The following DOCK1 variants were observed in gnomAD, a reference collection of about 807,000 sequenced individuals.
DOCK1 encodes the protein dedicator of cytokinesis protein 1.
A neutral mutation model predicts 262.7 loss-of-function variants in DOCK1; 138 were observed. That is an observed-to-expected ratio of 0.53 (90% CI 0.46 to 0.61). The LOEUF is 0.61. DOCK1 is among the 20% of genes least tolerant of loss of function. DOCK1 has a pLI of 0.00. For synonymous variants in DOCK1, 866 were observed against 867.4 expected (o/e 1.00, Z 0.03); for missense variants, 1,908 against 2,370.7 (o/e 0.80, Z 4.05).
chr10:127,033,776 T>C lies in DOCK1; in HGVS notation c.1912+1456T>C, dbSNP rs544434034. 2.0e-5 allele frequency among the ~76,000 whole-genome samples: 3 copies of C among 152,242 alleles called. No individual in the cohort carries two copies. In the South Asian group the frequency reaches 6.2e-4, roughly 32 times the overall value. ...ACATTGTAGTGGAGCGTGCACTGAGTGTGCTGCATGTTTGGGCATGCGAGC... is the reference window on the plus strand; with the variant it reads ...ACATTGTAGTGGAGCGTGCACTGAGCGTGCTGCATGTTTGGGCATGCGAGC... On this transcript the variant is annotated intron_variant, in intron 18 of 51. Transcript: ENST00000623213.
rs138981209 is a variant in DOCK1 at position 127,198,163 on chromosome 10, C to A, written c.2848-49845C>A. On this transcript the variant is annotated intron_variant, in intron 27 of 51. Transcript: ENST00000623213. Reference sequence around the variant, plus strand: ...AGCAGTATGGAAACTGCAGTCCCCTCTTCTGCCTGGAAGGGGCCTGGGAAG... The same window carrying A: ...AGCAGTATGGAAACTGCAGTCCCCTATTCTGCCTGGAAGGGGCCTGGGAAG... 5.4e-3 allele frequency among the ~76,000 whole-genome samples: 816 copies of A among 152,308 alleles called. 8 individuals carry two copies. The highest frequency in any genetic ancestry group is 4.8e-3 in the Non-Finnish European group (324 of 68,032).
intron 13 of DOCK1, among the ~76,000 whole-genome samples, chr10:127,021,124 G>C (rs1228952997): frequency 6.6e-6 from 1 of 152,176 alleles, no homozygotes; most frequent in Non-Finnish European, 1.5e-5. Flanking sequence ...TACTGTAAAT[G>C]AGGTCTTACT....
At chr10:127,202,982 T>G (rs2134247747) in intron 27 of DOCK1, among the ~76,000 whole-genome samples, 1 of 152,330 alleles carries the variant, frequency 6.6e-6, no homozygotes, top group African/African-American at 2.4e-5. Flanking sequence ...CCAGCATTCT[T>G]TTGTCGTCAT....
intron 27 of DOCK1, among the ~76,000 whole-genome samples, chr10:127,217,429 G>A (rs993410501): frequency 2.6e-5 from 4 of 152,154 alleles, no homozygotes; most frequent in Admixed American, 2.6e-4. Flanking sequence ...ATGTGTATTG[G>A]CAGTCTGTTC....
chr10:127,032,248 G>A lies in DOCK1; in HGVS notation c.1840G>A (p.Gly614Arg). The A allele has an allele frequency of 6.2e-7, 1 of 1,600,498 alleles. No homozygotes were observed. Among genetic ancestry groups the A allele is most frequent in the Admixed American group, 1.7e-5 (1 of 58,000 alleles). ...SATGKSMQSL[G>R]SCTISKDSFQ... ...CACCGGCAAGAGCATGCAGAGCCTT[G>A]GGAGCTGCACCATTAGCAAGGACTC... The change falls in exon 18 of 52, where the codon GGG becomes AGG. Residue 614 changes from glycine (G) to arginine (R), a missense_variant. By Grantham distance (125) the Gly-to-Arg change is moderately radical. This residue lies in a region of DOCK1 where 294 missense variants were observed against 439.9 expected (regional missense o/e 0.67). Coordinates refer to ENST00000623213, the MANE Select transcript of DOCK1 (RefSeq NM_001290223.2).
At chr10:126,927,546 C>T (rs1253594940) in intron 1 of DOCK1, among the ~76,000 whole-genome samples, 3 of 152,104 alleles carry the variant, frequency 2.0e-5, no homozygotes, top group African/African-American at 7.2e-5. Flanking sequence ...AAGCGATTCT[C>T]CTGCCTCAGC....
intron 31 of DOCK1, among the ~76,000 whole-genome samples, chr10:127,353,562 T>G (rs1327465771): frequency 1.3e-5 from 2 of 152,132 alleles, no homozygotes; most frequent in African/African-American, 2.4e-5. Flanking sequence ...CTTAACCGAG[T>G]CTGCCTGCAT....
At chr10:127,085,374 CA>C (rs1235414649) in intron 23 of DOCK1, among the ~76,000 whole-genome samples, 2 of 152,136 alleles carry the variant, frequency 1.3e-5, no homozygotes, top group Non-Finnish European at 2.9e-5. Context: ...CTCATCATGG[CA>C]AAGAGACAGT....
At chr10:126,984,974 CTTTTTT>C (rs553086410) in intron 4 of DOCK1, among the ~76,000 whole-genome samples, 9 of 85,126 alleles carry the variant, frequency 1.1e-4, no homozygotes, top group Non-Finnish European at 1.9e-4. Context: ...ATGTCCCATT[CTTTTTT>C]TTTTTTTTTT....
chr10:127,258,759 G>A (rs145115624), intron 29 of DOCK1, among the ~76,000 whole-genome samples: 80 of 152,362 alleles, frequency 5.3e-4, no homozygotes, highest in Non-Finnish European at 9.6e-4. Context: ...AGCCATGTAA[G>A]TGATTCGGTT....
chr10:127,070,341 C>A (rs1301642859), intron 23 of DOCK1, among the ~76,000 whole-genome samples: 1 of 148,200 alleles, frequency 6.7e-6, no homozygotes, highest in Admixed American at 6.7e-5. Context: ...GCAACCTCCA[C>A]CTCCCGGGTT....
chr10:127,034,928 C>T (rs2043491491), intron 18 of DOCK1, among the ~76,000 whole-genome samples: 1 of 152,216 alleles, frequency 6.6e-6, no homozygotes, highest in Non-Finnish European at 1.5e-5. Context: ...CCTCCTTTCA[C>T]CCTCAAGCTC....
At chr10:126,921,985 G>A (rs368549317) in intron 1 of DOCK1, among the ~76,000 whole-genome samples, 9 of 151,984 alleles carry the variant, frequency 5.9e-5, no homozygotes, top group African/African-American at 1.4e-4. Flanking sequence ...GCCTAGGCAG[G>A]CTGATCCTTT....
At chr10:127,052,921 C>A (rs2044840484) in intron 22 of DOCK1, 106 bp downstream of exon 22, 2 of 1,461,268 alleles carry the variant, frequency 1.4e-6, no homozygotes, top group African/African-American at 2.8e-5. Flanking sequence ...CTTTCTTCTT[C>A]CCCCTTTTTC....
chr10:127,351,690 GC>G (rs2063887615), intron 31 of DOCK1, among the ~76,000 whole-genome samples: 1 of 152,136 alleles, frequency 6.6e-6, no homozygotes, highest in Non-Finnish European at 1.5e-5. Context: ...AGCTTTATTA[GC>G]CCTACGCTCT....
intron 18 of DOCK1, 58 bp downstream of exon 18, chr10:127,032,378 T>C: frequency 6.9e-7 from 1 of 1,449,292 alleles, no homozygotes; most frequent in Non-Finnish European, 9.1e-7. Context: ...TCCTGTCTTT[T>C]CCATGCTCCT....
intron 5 of DOCK1, chr10:126,988,331 G>A (rs897910344): frequency 6.6e-6 from 1 of 152,164 alleles, no homozygotes; most frequent in African/African-American, 2.4e-5. Context: ...TTACCACCAA[G>A]CCAGGGCTCT....
chr10:127,427,440 T>C (rs955655392), intron 47 of DOCK1, among the ~76,000 whole-genome samples: 13 of 152,210 alleles, frequency 8.5e-5, no homozygotes, highest in Non-Finnish European at 1.9e-4. Context: ...AGTAATTTAG[T>C]GCTCCCCACG....
chr10:127,290,231 A>G (rs111713990), intron 29 of DOCK1, among the ~76,000 whole-genome samples: 16 of 152,092 alleles, frequency 1.1e-4, no homozygotes, highest in African/African-American at 3.6e-4. Context: ...TATGTAAAAG[A>G]TATACAGACT....
Sources: allele counts gnomAD v4.1 joint callset (sites outside exome capture counted in the v4.1 genomes callset), GRCh38; gene constraint gnomAD v4.1.1; regional missense constraint gnomAD v4.1.1; transcripts MANE v1.5; gene names NCBI Gene and HGNC (gene_info 2026-07-23, HGNC 2026-07-21).